The following STX6 variants were observed in gnomAD, a reference collection of about 807,000 sequenced individuals.
The protein encoded by STX6 is syntaxin 6.
STX6 carries 23 observed loss-of-function variants against 38.0 expected under a neutral mutation model. The ratio of observed to expected loss-of-function variants is 0.60; its 90% CI spans 0.43 to 0.86. STX6 has a LOEUF of 0.86. Ranked by LOEUF, STX6 falls within the 40% of genes least tolerant of loss-of-function variation. STX6 has a pLI of 0.00. For missense variants in STX6, 274 were observed against 312.9 expected (o/e 0.88, Z 0.94); for synonymous variants, 123 against 107.5 (o/e 1.14, Z -0.89).
chr1:180,979,858 AAACT>A (rs55962874), intron 7 of STX6, among the ~76,000 whole-genome samples: 84,979 of 151,480 alleles, frequency 0.56, 24,110 homozygotes, highest in East Asian at 0.63. Context: ...ACCAGTATGA[AAACT>A]AACAGCTTGA....
chr1:180,992,301 C>A (rs377248241), intron 4 of STX6, among the ~76,000 whole-genome samples: 1 of 152,076 alleles, frequency 6.6e-6, no homozygotes. Flanking sequence ...GAAAAGGAAA[C>A]AGGAAAATTA....
chr1:180,987,576 A>G (rs1181303506), intron 6 of STX6: 1 of 152,230 alleles, frequency 6.6e-6, no homozygotes, highest in East Asian at 1.9e-4. Flanking sequence ...TCGAGACAGG[A>G]AAGTTTCTGA....
At position 181,005,748 on chromosome 1, in the gene STX6, G is replaced by A. The variant is rs555642139; in HGVS notation, c.36-285C>T. 5.3e-5 allele frequency among the ~76,000 whole-genome samples: 8 copies of A among 152,294 alleles called. No homozygotes were observed. The East Asian group carries it at 7.7e-4, about 15-fold the overall frequency. ...ATATTTTTCTCTGAACAGACTATAC[G>A]TAAAAGTATAATGAAGCAATCCTAC... On this transcript the variant is annotated intron_variant, in intron 1 of 7. Coordinates refer to ENST00000258301, the MANE Select transcript of STX6 (RefSeq NM_005819.6).
At chr1:181,019,517 G>T (rs900576558) in intron 1 of STX6, among the ~76,000 whole-genome samples, 1 of 152,190 alleles carries the variant, frequency 6.6e-6, no homozygotes, top group African/African-American at 2.4e-5. Context: ...GAATCAGGCA[G>T]TGTGGGTGCA....
intron 2 of STX6, among the ~76,000 whole-genome samples, chr1:181,004,617 T>C (rs907924950): frequency 2.0e-5 from 3 of 152,234 alleles, no homozygotes; most frequent in South Asian, 4.1e-4. Context: ...TTTTCTCCCA[T>C]ACCTTGCATG....
chr1:181,010,484 TA>T (rs1656359656), intron 1 of STX6, among the ~76,000 whole-genome samples: 3 of 152,062 alleles, frequency 2.0e-5, no homozygotes, highest in Non-Finnish European at 4.4e-5. Flanking sequence ...ATATTTTTAG[TA>T]GAAACAGAGT....
chr1:180,979,968 A>C (rs1655354718), intron 7 of STX6, among the ~76,000 whole-genome samples: 1 of 152,214 alleles, frequency 6.6e-6, no homozygotes, highest in Admixed American at 6.5e-5. Context: ...GCACTTTGAG[A>C]AGCCATGGCA....
At chr1:181,013,266 T>C (rs915425107) in intron 1 of STX6, among the ~76,000 whole-genome samples, 1 of 152,196 alleles carries the variant, frequency 6.6e-6, no homozygotes, top group African/African-American at 2.4e-5. Flanking sequence ...TCCCCAGTAT[T>C]TGTCATTCAG....
Position 180,976,660 on chromosome 1 carries a change from C to T in STX6, c.692-14G>A. 6.2e-7 allele frequency: 1 copy of T among 1,612,414 alleles called. No individual in the cohort carries two copies. The highest frequency in any genetic ancestry group is 2.2e-5 in the East Asian group (1 of 44,874). On this transcript the variant is annotated splice_polypyrimidine_tract_variant and intron_variant, in intron 7 of 7. Coordinates refer to ENST00000258301, the MANE Select transcript of STX6 (RefSeq NM_005819.6). ...ATTGGCGCCGATCTGGAAGGCAGGA[C>T]ATGGGGATTAGCTCTCACAGGGACT... is the stretch of plus-strand genomic sequence containing the variant.
chr1:180,991,061 T>G (rs542919681), intron 4 of STX6, among the ~76,000 whole-genome samples: 3 of 152,130 alleles, frequency 2.0e-5, no homozygotes, highest in African/African-American at 4.8e-5. Flanking sequence ...TTAAAAAAAA[T>G]CTCAGGCACT....
At position 181,022,689 on chromosome 1, in the gene STX6, G is replaced by T. The variant is rs772453142; in HGVS notation, c.-16C>A. Reference sequence around the variant, plus strand: ...CCATGGACATGGCGTCCCGGCCCCGGCCGCCTTCACCTCCTCCGCGCACAG... The same window carrying T: ...CCATGGACATGGCGTCCCGGCCCCGTCCGCCTTCACCTCCTCCGCGCACAG... On this transcript the variant is annotated 5_prime_UTR_variant, in exon 1 of 8. Transcript: ENST00000258301. 3.7e-6 allele frequency: 6 copies of T among 1,604,584 alleles called. No homozygotes were observed. In the African/African-American group the frequency reaches 5.3e-5, roughly 14 times the overall value.
intron 1 of STX6, among the ~76,000 whole-genome samples, chr1:181,011,857 C>A (rs998190354): frequency 2.0e-5 from 3 of 152,192 alleles, no homozygotes; most frequent in African/African-American, 7.2e-5. Flanking sequence ...GGGAGGAGCA[C>A]TTCACTTTGA....
At chr1:180,997,401 T>C (rs1270591387) in intron 3 of STX6, among the ~76,000 whole-genome samples, 1 of 152,208 alleles carries the variant, frequency 6.6e-6, no homozygotes, top group Non-Finnish European at 1.5e-5. Flanking sequence ...AACTTTGAAG[T>C]ATGTCTAGAA....
intron 1 of STX6, among the ~76,000 whole-genome samples, chr1:181,020,042 C>T (rs1656680349): frequency 6.6e-6 from 1 of 151,882 alleles, no homozygotes; most frequent in African/African-American, 2.4e-5. Flanking sequence ...GGGTGCCCTG[C>T]CCATAGTCCT....
In STX6 at chr1:181,002,653, A is replaced by G. The variant is rs781749036; in HGVS notation, c.253T>C (p.Leu85=). ...GTAATGAAGGCTTTTCTTATACTCA[A>G]TTCAGTTGCATCAAGGTTAAATTTT... ...PRKFNLDATE[L]SIRKAFITST... The change falls in exon 3 of 8, where the codon TTG becomes CTG. Residue 85 remains leucine, a synonymous_variant. Coordinates refer to ENST00000258301, the MANE Select transcript of STX6 (RefSeq NM_005819.6). The G allele has an allele frequency of 1.9e-6, 3 of 1,613,638 alleles. No homozygotes were observed. Among genetic ancestry groups the G allele is most frequent in the East Asian group, 4.5e-5 (2 of 44,882 alleles).
intron 4 of STX6, among the ~76,000 whole-genome samples, chr1:180,991,168 G>A (rs192031156): frequency 1.6e-4 from 25 of 152,308 alleles, no homozygotes; most frequent in South Asian, 6.2e-4. Context: ...CTCAGACTGC[G>A]AGGGGTGAAC....
At chr1:181,001,770 T>C (rs111481722) in intron 3 of STX6, among the ~76,000 whole-genome samples, 25 of 152,348 alleles carry the variant, frequency 1.6e-4, no homozygotes, top group African/African-American at 5.8e-4. Flanking sequence ...GTGAGAAAGA[T>C]AACTAGCTTG....
chr1:181,021,129 CAA>C (rs1656712812), intron 1 of STX6, among the ~76,000 whole-genome samples: 1 of 152,080 alleles, frequency 6.6e-6, no homozygotes, highest in Non-Finnish European at 1.5e-5. Context: ...AAAAAAATGC[CAA>C]GACAGAAGAA....
chr1:181,022,574 C>G, intron 1 of STX6, 65 bp downstream of exon 1: 1 of 1,542,180 alleles, frequency 6.5e-7, no homozygotes, highest in Non-Finnish European at 8.8e-7. Context: ...GCGAGAAGAC[C>G]TAGGAGGTGC....
Sources: gnomAD v4.1 joint callset for allele counts (sites outside exome capture counted in the v4.1 genomes callset) on GRCh38, gnomAD v4.1.1 for gene constraint, MANE v1.5 for transcripts, NCBI Gene and HGNC (gene_info 2026-07-23, HGNC 2026-07-21) for gene names.